LCOR: variants seen among roughly 807,000 people sequenced by gnomAD.
LCOR encodes the protein ligand-dependent corepressor.
A neutral mutation model predicts 64.4 loss-of-function variants in LCOR; 14 were observed. The ratio of observed to expected loss-of-function variants is 0.22; its 90% CI spans 0.14 to 0.34. LCOR has a LOEUF of 0.34. Ranked by LOEUF, LCOR falls within the 10% of genes least tolerant of loss-of-function variation. The probability of loss-of-function intolerance (pLI) is 1.00; values close to 1 mark genes in which losing one functional copy is unlikely to be tolerated. For missense variants in LCOR, 1,686 were observed against 1,765.3 expected, an observed-to-expected ratio of 0.96 and a Z score of 0.80; for synonymous variants, 643 against 642.5, an observed-to-expected ratio of 1.00 and a Z score of -0.01.
chr10:96,839,875 A>T (rs1845509639), intron 2 of LCOR, among the ~76,000 whole-genome samples: 2 of 152,158 alleles, frequency 1.3e-5, no homozygotes, highest in African/African-American at 4.8e-5. Context: ...TTTAGGAAAG[A>T]CAGGGTTTCA....
intron 2 of LCOR, among the ~76,000 whole-genome samples, chr10:96,885,437 A>G (rs1846326430): frequency 6.6e-6 from 1 of 151,996 alleles, no homozygotes; most frequent in African/African-American, 2.4e-5. Context: ...GCTGGAGTGC[A>G]GTGGCATGAT....
chr10:96,859,800 C>T (rs556424150), intron 2 of LCOR, among the ~76,000 whole-genome samples: 1 of 152,146 alleles, frequency 6.6e-6, no homozygotes, highest in Non-Finnish European at 1.5e-5. Flanking sequence ...CTCAAGCAGT[C>T]CACTCTTGGC....
Position 96,832,419 on chromosome 10 carries a change from GCCGCCGCCCCTCCGGCCGCC to G in LCOR, c.-404+29_-404+48del, listed in dbSNP as rs1449089476. 2 of 947,046 alleles carry G rather than the reference GCCGCCGCCCCTCCGGCCGCC, an allele frequency of 2.1e-6. No individual in the cohort carries two copies. The highest frequency in any genetic ancestry group is 1.8e-5 in the African/African-American group (1 of 56,436). 58.7% of individuals were successfully genotyped at this position (947,046 alleles called of 1,614,324 possible). A position where few individuals can be genotyped will look rare whatever the true frequency, so the allele number is the denominator to read the frequency against. On this transcript the variant is annotated intron_variant, in intron 1 of 7. Coordinates refer to ENST00000421806, the MANE Select transcript of LCOR (RefSeq NM_001346516.2). ...GTGTAGGTGAGACCCTCCGCCGACCGCCGCCGCCCCTCCGGCCGCCCCGCCGCCGGTCGCCCCAGACCAGG... is the reference window on the plus strand; with the variant it reads ...GTGTAGGTGAGACCCTCCGCCGACCGCCGCCGCCGGTCGCCCCAGACCAGG...
At chr10:96,958,209 C>A in intron 7 of LCOR, 1 of 1,289,522 alleles carries the variant, frequency 7.8e-7, no homozygotes, top group Non-Finnish European at 9.8e-7. Flanking sequence ...GCTTTTATCC[C>A]CTCTCAGAAA....
intron 2 of LCOR, among the ~76,000 whole-genome samples, chr10:96,890,226 G>A (rs1273065069): frequency 1.3e-5 from 2 of 151,954 alleles, no homozygotes; most frequent in Non-Finnish European, 2.9e-5. Context: ...CCTCAGTCTA[G>A]GACTACGTAC....
At chr10:96,844,892 C>A (rs945400931) in intron 2 of LCOR, among the ~76,000 whole-genome samples, 7 of 152,088 alleles carry the variant, frequency 4.6e-5, no homozygotes, top group Non-Finnish European at 8.8e-5. Context: ...TTCCCAGAGA[C>A]CTCAAGGAAG....
At chr10:96,864,314 G>T (rs1023453159) in intron 2 of LCOR, among the ~76,000 whole-genome samples, 1 of 152,134 alleles carries the variant, frequency 6.6e-6, no homozygotes, top group Non-Finnish European at 1.5e-5. Flanking sequence ...AATCCAAAAT[G>T]TTCTCTGTCA....
chr10:96,939,894 C>T (rs567822813), intron 4 of LCOR, among the ~76,000 whole-genome samples: 7 of 152,268 alleles, frequency 4.6e-5, no homozygotes, highest in East Asian at 3.9e-4. Flanking sequence ...ATCCAGGAGG[C>T]GGAGGTTGCA....
chr10:96,908,281 G>A (rs899803588), intron 4 of LCOR, among the ~76,000 whole-genome samples: 3 of 152,058 alleles, frequency 2.0e-5, no homozygotes, highest in Admixed American at 6.6e-5. Context: ...ATGAGCCACC[G>A]CGCCCAGCCC....
chr10:96,976,714 A>T (rs1218866562), intron 7 of LCOR, among the ~76,000 whole-genome samples: 1 of 152,234 alleles, frequency 6.6e-6, no homozygotes, highest in East Asian at 1.9e-4. Context: ...ATTCTGTGTG[A>T]GCATCACTTT....
intron 7 of LCOR, chr10:96,955,326 C>G (rs150929680): frequency 6.2e-7 from 1 of 1,613,908 alleles, no homozygotes; most frequent in African/African-American, 1.3e-5. Flanking sequence ...AATGGCACTT[C>G]AAGCAAAACA....
intron 7 of LCOR, among the ~76,000 whole-genome samples, chr10:96,965,112 C>A (rs1174752493): frequency 6.6e-6 from 1 of 151,736 alleles, no homozygotes; most frequent in Non-Finnish European, 1.5e-5. Context: ...GGGTTCACAC[C>A]ATTCTCCTGC....
intron 2 of LCOR, among the ~76,000 whole-genome samples, chr10:96,885,221 C>T (rs1846322413): frequency 6.6e-6 from 1 of 152,162 alleles, no homozygotes; most frequent in Admixed American, 6.5e-5. Flanking sequence ...TAGAACATCA[C>T]TTCTCATTTG....
Position 96,984,630 on chromosome 10 carries a change from G to T in LCOR, c.4170G>T (p.Leu1390Phe), listed in dbSNP as rs758957362. Residue 1390 changes from leucine to phenylalanine, a missense_variant, in exon 8 of 8, where the codon TTG (leucine) becomes TTT (phenylalanine). Coordinates refer to ENST00000421806, the MANE Select transcript of LCOR (RefSeq NM_001346516.2). ...GRKGKQVSEI[L>F]PKAEVQSKRK... ...AGGGGAAGCAGGTGTCTGAAATCTTGCCTAAAGCAGAAGTTCAGAGTAAAC... is the reference window on the plus strand; with the variant it reads ...AGGGGAAGCAGGTGTCTGAAATCTTTCCTAAAGCAGAAGTTCAGAGTAAAC... The T allele has an allele frequency of 6.2e-7, 1 of 1,614,220 alleles. No homozygotes were observed. The highest frequency in any genetic ancestry group is 1.1e-5 in the South Asian group (1 of 91,090).
chr10:96,908,218 C>G (rs1297391450), intron 4 of LCOR: 1 of 152,146 alleles, frequency 6.6e-6, no homozygotes, highest in East Asian at 1.9e-4. Context: ...TCTTGAACTC[C>G]TAACCTCAAG....
At chr10:96,834,986 C>A (rs781717116) in intron 2 of LCOR, among the ~76,000 whole-genome samples, 1 of 152,164 alleles carries the variant, frequency 6.6e-6, no homozygotes, top group Non-Finnish European at 1.5e-5. Context: ...CTGCAACCTC[C>A]GCCTCCCAGG....
chr10:96,836,394 C>T (rs1414701211), intron 2 of LCOR, among the ~76,000 whole-genome samples: 1 of 152,154 alleles, frequency 6.6e-6, no homozygotes, highest in African/African-American at 2.4e-5. Flanking sequence ...GAACTTGCCA[C>T]TTCAGAGTAC....
At position 96,984,906 on chromosome 10, in the gene LCOR, T is replaced by C. The variant is rs1848133873; in HGVS notation, c.4446T>C (p.Pro1482=). ...RKEKENTNKR[P]SQSIASETLT... ...AAAAAGAGAATACAAACAAAAGGCCTTCCCAGTCTATTGCCTCGGAAACAC... is the reference window on the plus strand; with the variant it reads ...AAAAAGAGAATACAAACAAAAGGCCCTCCCAGTCTATTGCCTCGGAAACAC... The change falls in exon 8 of 8, where the codon CCT becomes CCC. Residue 1482 remains proline, a synonymous_variant. Coordinates refer to ENST00000421806, the MANE Select transcript of LCOR (RefSeq NM_001346516.2). The C allele has an allele frequency of 1.9e-6, 3 of 1,607,548 alleles. No homozygotes were observed. The highest frequency in any genetic ancestry group is 1.7e-6 in the Non-Finnish European group (2 of 1,174,982).
rs549849064 is a variant in LCOR at position 96,957,795 on chromosome 10, C to T, written c.332+5599C>T. ...AAATACATGCACTGCTCATTCTTGA[C>T]ATAGCTTGGGTGTGGGTTCCTCTTG... is the stretch of plus-strand genomic sequence containing the variant. On this transcript the variant is annotated intron_variant, in intron 7 of 7. Coordinates refer to ENST00000421806, the MANE Select transcript of LCOR (RefSeq NM_001346516.2). The T allele has an allele frequency of 8.1e-6, 8 of 985,576 alleles. No individual in the cohort carries two copies. In the Admixed American group the frequency reaches 4.3e-4, roughly 53 times the overall value. The allele number at this position is 985,576 out of a possible 1,614,324, so 61.1% of individuals were successfully genotyped here.
Sources: allele counts gnomAD v4.1 joint callset (sites outside exome capture counted in the v4.1 genomes callset), GRCh38; gene constraint gnomAD v4.1.1; transcripts MANE v1.5; gene names NCBI Gene and HGNC (gene_info 2026-07-23, HGNC 2026-07-21).